GPAT2: variants seen among roughly 807,000 people sequenced by gnomAD.
GPAT2 encodes the protein glycerol-3-phosphate acyltransferase 2, mitochondrial.
GPAT2 carries 51 observed loss-of-function variants against 71.0 expected under a neutral mutation model. That is an observed-to-expected ratio of 0.72 (90% CI 0.57 to 0.91). The LOEUF is 0.91. Among genes scored for constraint, GPAT2 ranks in the 40% least tolerant of loss-of-function variants. GPAT2 has a pLI of 0.00. For missense variants in GPAT2, 511 were observed against 666.0 expected, an observed-to-expected ratio of 0.77 and a Z score of 2.56; for synonymous variants, 222 against 290.3, an observed-to-expected ratio of 0.76 and a Z score of 2.39.
In GPAT2 at chr2:96,024,437, C is replaced by G. The variant is rs1467618483; in HGVS notation, c.1677G>C (p.Glu559Asp). Residue 559 changes from glutamate to aspartate, a missense_variant, in exon 15 of 22, where the codon GAG (glutamate) becomes GAC (aspartate). By Grantham distance (45) the Glu-to-Asp change is conservative. This residue lies in a region of GPAT2 where 295 missense variants were observed against 305.5 expected (regional missense o/e 0.97). Transcript: ENST00000434632. ...CACCTCAAGACTCACCGCCCACAGCCTCGCTCAGGAAGACGGGCAGCAGCT... is the reference window on the plus strand; with the variant it reads ...CACCTCAAGACTCACCGCCCACAGCGTCGCTCAGGAAGACGGGCAGCAGCT... ...SAELLPVFLSEAVGACAVRGL... is the reference protein window; with the variant it reads ...SAELLPVFLSDAVGACAVRGL... 1.2e-6 allele frequency: 2 copies of G among 1,613,790 alleles called. No individual in the cohort carries two copies. Among genetic ancestry groups the G allele is most frequent in the Non-Finnish European group, 1.7e-6 (2 of 1,179,808 alleles).
chr2:96,025,063 A>G, intron 13 of GPAT2: 3 of 616,854 alleles, frequency 4.9e-6, no homozygotes, highest in Non-Finnish European at 2.9e-6. Context: ...ACATCAACCC[A>G]CAGCCTCTAC....
At chr2:96,025,370 C>G in intron 13 of GPAT2, 115 bp downstream of exon 13, 2 of 1,359,686 alleles carry the variant, frequency 1.5e-6, no homozygotes, top group Non-Finnish European at 2.0e-6. Context: ...CCCAAGGTAT[C>G]ACAGAGCACC....
rs780943789 is a variant in GPAT2, at chr2:96,022,188, G to A, written c.2377C>T (p.Gln793Ter). 5 of 1,611,056 alleles carry A rather than the reference G, an allele frequency of 3.1e-6. No individual in the cohort carries two copies. The highest frequency in any genetic ancestry group is 4.2e-6 in the Non-Finnish European group (5 of 1,179,426). The change falls in exon 22 of 22, where the codon CAG (glutamine) becomes TAG (stop). Residue 793 changes from glutamine (Q) to a stop codon, truncating the protein, a stop_gained. Coordinates refer to ENST00000434632, the MANE Select transcript of GPAT2 (RefSeq NM_001321527.2). LOFTEE classifies it high-confidence loss of function. Reference sequence around the variant, plus strand: ...CTACAAATGAACTGCCGGATGAACTGTTCTAGTTTTTCCTGATTGTCCAGG... The same window carrying A: ...CTACAAATGAACTGCCGGATGAACTATTCTAGTTTTTCCTGATTGTCCAGG... The part of the protein sequence containing the change: ...ASLDNQEKLE[Q>*]FIRQFICS
chr2:96,025,899 C>G (rs375028880), intron 12 of GPAT2, 31 bp downstream of exon 12: 2 of 1,602,904 alleles, frequency 1.2e-6, no homozygotes, highest in Non-Finnish European at 1.7e-6. Flanking sequence ...CTTGCCTTGC[C>G]CCCTGAGACC....
Position 96,024,783 on chromosome 2 carries a change from T to G in GPAT2, c.1418A>C (p.Lys473Thr). ...CATTGCACCCCCTACCTTCTGATGC[T>G]TGAAGAGCAGCAGCGTTGCCATAAT... is the stretch of plus-strand genomic sequence containing the variant. ...TAIMATLLLF[K>T]HQKGVFLSQL... Residue 473 changes from lysine to threonine, a missense_variant, in exon 14 of 22, where the codon AAG becomes ACG. Physicochemically the swap from Lys to Thr is moderately conservative, Grantham distance 78. Around this residue, in one of 7 missense-constraint regions of GPAT2, gnomAD observed 295 missense variants for 305.5 expected, o/e 0.97. Coordinates refer to ENST00000434632, the MANE Select transcript of GPAT2 (RefSeq NM_001321527.2). 6.2e-7 allele frequency: 1 copy of G among 1,613,944 alleles called. No homozygotes were observed. Among genetic ancestry groups the G allele is most frequent in the Non-Finnish European group, 8.5e-7 (1 of 1,179,972 alleles).
At chr2:96,023,621 C>T (rs1236836076) in intron 17 of GPAT2, 181 bp from the exon 18 acceptor site, 29 of 695,714 alleles carry the variant, frequency 4.2e-5, no homozygotes, top group Non-Finnish European at 6.9e-5. Flanking sequence ...GAATTCCCAC[C>T]CTCAAGGGCA....
Position 96,022,191 on chromosome 2 carries a change from C to T in GPAT2, c.2374G>A (p.Glu792Lys), listed in dbSNP as rs750293059. ...FASLDNQEKL[E>K]QFIRQFICS is the part of the protein sequence containing the mutation. The stretch of plus-strand genomic sequence containing the variant: ...CAAATGAACTGCCGGATGAACTGTT[C>T]TAGTTTTTCCTGATTGTCCAGGCTG... The change falls in exon 22 of 22, where the codon GAA becomes AAA. Residue 792 changes from glutamate to lysine, a missense_variant. Glu to Lys is a moderately conservative substitution (Grantham distance 56). Around this residue, in one of 7 missense-constraint regions of GPAT2, gnomAD observed 108 missense variants for 117.6 expected, o/e 0.92. Transcript: ENST00000434632. 7 of 1,610,924 alleles carry T rather than the reference C, an allele frequency of 4.3e-6. No homozygotes were observed. In the South Asian group the frequency reaches 4.4e-5, roughly 10 times the overall value.
chr2:96,023,136 AG>A lies in GPAT2; in HGVS notation c.2136del (p.Phe713SerfsTer50), dbSNP rs1679887666. On this transcript the variant is annotated frameshift_variant, in exon 19 of 22. Coordinates refer to ENST00000434632, the MANE Select transcript of GPAT2 (RefSeq NM_001321527.2). LOFTEE classifies it high-confidence loss of function. ...TCGGGCAGCTGGCCCTGGCGGAGGA[AG>A]GCGGCAGCCTGTGCAAAGGCCTTGA... ...PLLKAFAQAA[A>X]FLRQGQLPDT... 1 of 1,609,044 alleles carries A rather than the reference AG, an allele frequency of 6.2e-7. No homozygotes were observed. Among genetic ancestry groups the A allele is most frequent in the Non-Finnish European group, 8.5e-7 (1 of 1,177,226 alleles).
rs760647007 is a variant in GPAT2, at chr2:96,026,189, G to C, written c.1149C>G (p.Ser383=). The C allele has an allele frequency of 6.2e-7, 1 of 1,606,744 alleles. No individual in the cohort carries two copies. Among genetic ancestry groups the C allele is most frequent in the South Asian group, 1.1e-5 (1 of 90,370 alleles). Residue 383 remains serine (S), a synonymous_variant, in exon 11 of 22, where the codon TCC becomes TCG. Transcript: ENST00000434632. ...CSRVHLAQPF[S]LQEYIVSARS... The stretch of plus-strand genomic sequence containing the variant: ...TCCCCAGCTGGCTCCATACCTGCAG[G>C]GAAAAGGGCTGAGCTAGGTGCACCC...
intron 13 of GPAT2, 100 bp downstream of exon 13, chr2:96,025,385 G>C (rs1680284710): frequency 6.9e-7 from 1 of 1,439,174 alleles, no homozygotes; most frequent in Admixed American, 2.6e-5. Context: ...AGCACCTCAG[G>C]TGCAGACACT....
In GPAT2 at chr2:96,023,343, T is replaced by A; in HGVS notation, c.2012A>T (p.Asp671Val). 6.2e-7 allele frequency: 1 copy of A among 1,614,216 alleles called. No individual in the cohort carries two copies. Among genetic ancestry groups the A allele is most frequent in the East Asian group, 2.2e-5 (1 of 44,884 alleles). ...CCGGCCGTCAGCCTCTCCGAAGTCATCACTGTCACTATCAGTAAAGTCCCC... is the reference window on the plus strand; with the variant it reads ...CCGGCCGTCAGCCTCTCCGAAGTCAACACTGTCACTATCAGTAAAGTCCCC... ...PSGDFTDSDSDDFGEADGRYF... is the reference protein window; with the variant it reads ...PSGDFTDSDSVDFGEADGRYF... The change falls in exon 18 of 22, where the codon GAT (aspartate) becomes GTT (valine). Residue 671 changes from aspartate to valine, a missense_variant. By Grantham distance (152) the Asp-to-Val change is radical. Coordinates refer to ENST00000434632, the MANE Select transcript of GPAT2 (RefSeq NM_001321527.2).
In GPAT2 at chr2:96,024,083, C is replaced by G. The variant is rs545529585; in HGVS notation, c.1837-83G>C. ...TAGCCAAAGACCGGGCAAGGCCACACCTACTACCCAGGAGGTTTCAGAGGT... is the reference window on the plus strand; with the variant it reads ...TAGCCAAAGACCGGGCAAGGCCACAGCTACTACCCAGGAGGTTTCAGAGGT... On this transcript the variant is annotated intron_variant, in intron 16 of 21. Transcript: ENST00000434632. 4 of 1,597,188 alleles carry G rather than the reference C, an allele frequency of 2.5e-6. No homozygotes were observed. In the Admixed American group the frequency reaches 7.0e-5, roughly 28 times the overall value.
intron 18 of GPAT2, 21 bp from the exon 19 acceptor site, chr2:96,023,247 T>C: frequency 6.2e-7 from 1 of 1,611,734 alleles, no homozygotes; most frequent in Non-Finnish European, 8.5e-7. Context: ...CAGGCCGGGG[T>C]GAGTGCAGCT....
In GPAT2 at chr2:96,024,795, A is replaced by C; in HGVS notation, c.1406T>G (p.Leu469Arg). The stretch of plus-strand genomic sequence containing the variant: ...TACCTTCTGATGCTTGAAGAGCAGC[A>C]GCGTTGCCATAATGGCCGTGCTCAT... Reference protein sequence around the residue: ...AVMSTAIMATLLLFKHQKGVF... With the variant: ...AVMSTAIMATRLLFKHQKGVF... Residue 469 changes from leucine (L) to arginine (R), a missense_variant, in exon 14 of 22, where the codon CTG becomes CGG. Leu to Arg is a moderately radical substitution (Grantham distance 102). Coordinates refer to ENST00000434632, the MANE Select transcript of GPAT2 (RefSeq NM_001321527.2). 3 of 1,613,726 alleles carry C rather than the reference A, an allele frequency of 1.9e-6. No homozygotes were observed. Among genetic ancestry groups the C allele is most frequent in the Non-Finnish European group, 2.5e-6 (3 of 1,179,946 alleles).
chr2:96,021,994 A>G lies in GPAT2; in HGVS notation c.*165T>C. The G allele has an allele frequency of 3.5e-6, 5 of 1,435,812 alleles. No individual in the cohort carries two copies. The highest frequency in any genetic ancestry group is 3.7e-6 in the Non-Finnish European group (4 of 1,084,052). 88.9% of individuals were successfully genotyped at this position (1,435,812 alleles called of 1,614,324 possible). On this transcript the variant is annotated 3_prime_UTR_variant, in exon 22 of 22. Transcript: ENST00000434632. ...AACTCGTCTCGTCCCCTTGTTTATC[A>G]CATCAAAGAAGGGAAAAAGCAAGAG...
rs1006663568 is a variant in GPAT2, at chr2:96,022,728, A to G, written c.2234-5T>C. On this transcript the variant is annotated splice_polypyrimidine_tract_variant and splice_region_variant and intron_variant, in intron 20 of 21. Transcript: ENST00000434632. ...CGAGCTTTGGGTCCGCACACTCTGGAAAGAAGAGAGAAGTGAAGGCTCTAG... is the reference window on the plus strand; with the variant it reads ...CGAGCTTTGGGTCCGCACACTCTGGGAAGAAGAGAGAAGTGAAGGCTCTAG... 4 of 1,613,816 alleles carry G rather than the reference A, an allele frequency of 2.5e-6. No individual in the cohort carries two copies. The African/African-American group carries it at 4.0e-5, about 16-fold the overall frequency.
intron 1 of GPAT2, among the ~76,000 whole-genome samples, chr2:96,034,046 T>C (rs1399593138): frequency 4.6e-5 from 7 of 151,108 alleles, no homozygotes; most frequent in African/African-American, 1.7e-4. Flanking sequence ...AATACATATA[T>C]ACATATATAC....
rs2692901 is a variant in GPAT2, at chr2:96,026,208, T to G, written c.1130A>C (p.His377Pro). 6.2e-7 allele frequency: 1 copy of G among 1,610,216 alleles called. No individual in the cohort carries two copies. Among genetic ancestry groups the G allele is most frequent in the East Asian group, 2.2e-5 (1 of 44,848 alleles). ...GCSHRICSRV[H>P]LAQPFSLQEY... ...CTGCAGGGAAAAGGGCTGAGCTAGGTGCACCCGGGAGCAGATCCGGTGGCT... is the reference window on the plus strand; with the variant it reads ...CTGCAGGGAAAAGGGCTGAGCTAGGGGCACCCGGGAGCAGATCCGGTGGCT... The change falls in exon 11 of 22, where the codon CAC (histidine) becomes CCC (proline). Residue 377 changes from histidine to proline, a missense_variant. This residue lies in a region of GPAT2 where 79 missense variants were observed against 111.4 expected (regional missense o/e 0.71). Coordinates refer to ENST00000434632, the MANE Select transcript of GPAT2 (RefSeq NM_001321527.2).
chr2:96,025,547 A>G lies in GPAT2; in HGVS notation c.1295T>C (p.Leu432Pro), dbSNP rs1336985039. The G allele has an allele frequency of 1.3e-5, 21 of 1,568,584 alleles. No homozygotes were observed. Among genetic ancestry groups the G allele is most frequent in the Non-Finnish European group, 1.8e-5 (21 of 1,157,300 alleles). Residue 432 changes from leucine (L) to proline (P), a missense_variant, in exon 13 of 22, where the codon CTC becomes CCC. Coordinates refer to ENST00000434632, the MANE Select transcript of GPAT2 (RefSeq NM_001321527.2). ...CTGGTCCTCTTCCTTGAGGGCCAGGAGAGGCCCAGTTATGGGGGTCCACTC... is the reference window on the plus strand; with the variant it reads ...CTGGTCCTCTTCCTTGAGGGCCAGGGGAGGCCCAGTTATGGGGGTCCACTC... ...EQEWTPITGP[L>P]LALKEEDQLL...
Sources: gnomAD v4.1 joint callset for allele counts (sites outside exome capture counted in the v4.1 genomes callset) on GRCh38, gnomAD v4.1.1 for gene constraint, gnomAD v4.1.1 regional missense constraint, MANE v1.5 for transcripts, NCBI Gene and HGNC (gene_info 2026-07-23, HGNC 2026-07-21) for gene names.